ATXN7L1: variants seen among roughly 807,000 people sequenced by gnomAD.
ATXN7L1 encodes the protein ataxin 7 like 1, also known as ataxin-7-like protein 1.
Under a neutral mutation model 70.8 loss-of-function variants are expected in ATXN7L1, and 15 were observed. The ratio of observed to expected loss-of-function variants is 0.21; its 90% CI spans 0.14 to 0.33. The LOEUF is 0.33. ATXN7L1 is among the 10% of genes least tolerant of loss of function. ATXN7L1 has a pLI of 1.00. For synonymous variants in ATXN7L1, 440 were observed against 445.1 expected (o/e 0.99, Z 0.14); for missense variants, 975 against 1,097.1 (o/e 0.89, Z 1.57).
intron 3 of ATXN7L1, among the ~76,000 whole-genome samples, chr7:105,736,835 G>A (rs1192128944): frequency 6.6e-6 from 1 of 152,206 alleles, no homozygotes; most frequent in Non-Finnish European, 1.5e-5. Context: ...TGCACACAGA[G>A]TCTTACTTTC....
intron 2 of ATXN7L1, among the ~76,000 whole-genome samples, chr7:105,847,199 G>A (rs1410270499): frequency 1.3e-5 from 2 of 152,158 alleles, no homozygotes; most frequent in African/African-American, 2.4e-5. Context: ...CATGGGAGGC[G>A]TGTTCCCTGA....
At chr7:105,649,515 T>C (rs1315558815) in intron 4 of ATXN7L1, 3 of 987,718 alleles carry the variant, frequency 3.0e-6, no homozygotes, top group Non-Finnish European at 3.6e-6. Context: ...TTAAGAAACA[T>C]GGTTCTCTTG....
At chr7:105,621,177 C>T (rs1418753317) in intron 8 of ATXN7L1, among the ~76,000 whole-genome samples, 2 of 152,164 alleles carry the variant, frequency 1.3e-5, no homozygotes, top group Non-Finnish European at 2.9e-5. Flanking sequence ...CACAGCACCA[C>T]CTTGAAGCTT....
chr7:105,620,381 C>A, intron 8 of ATXN7L1, 60 bp from the exon 9 acceptor site: 1 of 1,446,598 alleles, frequency 6.9e-7, no homozygotes. Flanking sequence ...ATAAACTATA[C>A]AGAGAAAAAT....
chr7:105,755,489 C>T (rs760875761), intron 3 of ATXN7L1, among the ~76,000 whole-genome samples: 6 of 152,132 alleles, frequency 3.9e-5, no homozygotes, highest in Non-Finnish European at 8.8e-5. Flanking sequence ...AGGGCTTATT[C>T]CATTACTATA....
chr7:105,646,565 C>A (rs1199414028), intron 4 of ATXN7L1, among the ~76,000 whole-genome samples: 14 of 152,004 alleles, frequency 9.2e-5, no homozygotes, highest in Non-Finnish European at 1.9e-4. Context: ...TTATAGGCAC[C>A]CGCCACCACA....
chr7:105,686,297 C>T lies in ATXN7L1; in HGVS notation c.356-21009G>A, dbSNP rs185569013. Among the ~76,000 whole-genome samples, 354 of 152,292 alleles carry T rather than the reference C, an allele frequency of 2.3e-3. 1 individual carries two copies. Among genetic ancestry groups the T allele is most frequent in the African/African-American group, 7.9e-3 (329 of 41,574 alleles). ...TTGGGAAGCTGAGGCGGGTGGATCA[C>T]CTGAGGTCAGGAGTTCAAGACCAGC... On this transcript the variant is annotated intron_variant, in intron 3 of 11. Transcript: ENST00000419735.
At chr7:105,868,125 C>G (rs1817742823) in intron 2 of ATXN7L1, among the ~76,000 whole-genome samples, 1 of 152,230 alleles carries the variant, frequency 6.6e-6, no homozygotes, top group South Asian at 2.1e-4. Flanking sequence ...CTGCCCAGCT[C>G]TACACATGGG....
chr7:105,723,848 T>C (rs1426482821), intron 3 of ATXN7L1, among the ~76,000 whole-genome samples: 1 of 152,198 alleles, frequency 6.6e-6, no homozygotes, highest in Non-Finnish European at 1.5e-5. Flanking sequence ...AGGCTTCAAG[T>C]GTCCATGCGG....
At chr7:105,646,483 T>G (rs1398874451) in intron 4 of ATXN7L1, among the ~76,000 whole-genome samples, 5 of 152,098 alleles carry the variant, frequency 3.3e-5, no homozygotes. Context: ...AGTGGCACAA[T>G]CTCGGCTCAC....
In ATXN7L1 at chr7:105,790,606, T is replaced by TTATCTATCTATC. The variant is rs55703123; in HGVS notation, c.251-1910_251-1899dup. ...AGAAAGAAAAAGAAAAAGAAAAAAA[T>TTATCTATCTATC]TATCTATCTATCTATCTATCTATCT... On this transcript the variant is annotated intron_variant, in intron 2 of 11. Transcript: ENST00000419735. Among the ~76,000 whole-genome samples the TTATCTATCTATC allele has an allele frequency of 2.4e-3, 321 of 133,646 alleles. 1 individual carries two copies. Among genetic ancestry groups the TTATCTATCTATC allele is most frequent in the Middle Eastern group, 7.2e-3 (2 of 276 alleles). 87.7% of individuals were successfully genotyped at this position (133,646 alleles called of 152,430 possible). A position where few individuals can be genotyped will look rare whatever the true frequency, so the allele number is the denominator to read the frequency against.
intron 7 of ATXN7L1, among the ~76,000 whole-genome samples, chr7:105,627,355 C>T (rs1231517327): frequency 2.0e-5 from 3 of 151,572 alleles, no homozygotes; most frequent in Non-Finnish European, 4.4e-5. Flanking sequence ...CCACCTCAAC[C>T]TTGTGAGTAG....
At chr7:105,713,618 C>T (rs759300199) in intron 3 of ATXN7L1, among the ~76,000 whole-genome samples, 4 of 152,230 alleles carry the variant, frequency 2.6e-5, no homozygotes, top group Non-Finnish European at 4.4e-5. Flanking sequence ...ATAGCAGGCA[C>T]AGTGGCAATA....
chr7:105,819,754 C>A (rs1033532672), intron 2 of ATXN7L1: 1 of 732,254 alleles, frequency 1.4e-6, no homozygotes, highest in Non-Finnish European at 2.5e-6. Context: ...AGGCATGTTG[C>A]CCCACAAGAC....
chr7:105,734,642 T>G lies in ATXN7L1; in HGVS notation c.355+53962A>C, dbSNP rs535844411. Among the ~76,000 whole-genome samples the G allele has an allele frequency of 4.6e-5, 7 of 152,208 alleles. 1 individual carries two copies. Among genetic ancestry groups the G allele is most frequent in the African/African-American group, 1.7e-4 (7 of 41,540 alleles). On this transcript the variant is annotated intron_variant, in intron 3 of 11. Coordinates refer to ENST00000419735, the MANE Select transcript of ATXN7L1 (RefSeq NM_020725.2). ...TTTAGCAACCTCCTTTCATGTTTTT[T>G]TTTTTTTTTAACCTGGCTGGCTTTG...
At chr7:105,842,509 A>G (rs1813376781) in intron 2 of ATXN7L1, among the ~76,000 whole-genome samples, 1 of 152,206 alleles carries the variant, frequency 6.6e-6, no homozygotes, top group Non-Finnish European at 1.5e-5. Context: ...TAATGTTTTC[A>G]AGGTTCATCC....
intron 7 of ATXN7L1, among the ~76,000 whole-genome samples, chr7:105,637,840 T>C (rs1483281977): frequency 1.3e-5 from 2 of 152,202 alleles, no homozygotes; most frequent in African/African-American, 4.8e-5. Flanking sequence ...CCTTTCATCC[T>C]GATGATAGGA....
At chr7:105,733,428 T>C (rs1042769155) in intron 3 of ATXN7L1, among the ~76,000 whole-genome samples, 2 of 152,052 alleles carry the variant, frequency 1.3e-5, no homozygotes, top group African/African-American at 4.8e-5. Context: ...AGCATTGTAG[T>C]GGGCATCAGG....
chr7:105,752,514 A>C (rs770064003), intron 3 of ATXN7L1, among the ~76,000 whole-genome samples: 19 of 152,054 alleles, frequency 1.2e-4, no homozygotes, highest in Admixed American at 2.6e-4. Context: ...CCACCACACC[A>C]CCCTCTGACT....
Sources: gnomAD v4.1 joint callset for allele counts (sites outside exome capture counted in the v4.1 genomes callset) on GRCh38, gnomAD v4.1.1 for gene constraint, MANE v1.5 for transcripts, NCBI Gene and HGNC (gene_info 2026-07-23, HGNC 2026-07-21) for gene names.